The following MTHFD2L variants were observed in gnomAD, a reference collection of about 807,000 sequenced individuals.
MTHFD2L encodes methylenetetrahydrofolate dehydrogenase (NADP+ dependent) 2 like, also known as bifunctional methylenetetrahydrofolate dehydrogenase/cyclohydrolase 2, mitochondrial.
In MTHFD2L, 29 loss-of-function variants were observed where a neutral mutation model predicts 34.9. The observed-to-expected ratio is 0.83, with a 90% confidence interval of 0.62 to 1.13. MTHFD2L has a LOEUF of 1.13. Among genes scored for constraint, MTHFD2L ranks in the 50% most tolerant of loss-of-function variants. MTHFD2L has a pLI of 0.00. For synonymous variants in MTHFD2L, 167 were observed against 155.7 expected, an observed-to-expected ratio of 1.07 and a Z score of -0.54; for missense variants, 481 against 446.5, an observed-to-expected ratio of 1.08 and a Z score of -0.70.
At chr4:74,271,423 A>G (rs1188225940) in intron 6 of MTHFD2L, among the ~76,000 whole-genome samples, 1 of 152,244 alleles carries the variant, frequency 6.6e-6, no homozygotes, top group Non-Finnish European at 1.5e-5. Flanking sequence ...TTTATTAAAT[A>G]GGGAATCCTT....
At chr4:74,157,041 A>C (rs1489550520), upstream of MTHFD2L, 1 of 152,060 alleles carries the variant, frequency 6.6e-6, no homozygotes, top group East Asian at 1.9e-4. Context: ...CAGAAGTTTA[A>C]ATTGTTTTTT....
chr4:74,247,606 G>T (rs1039774769), intron 6 of MTHFD2L, among the ~76,000 whole-genome samples: 2 of 152,152 alleles, frequency 1.3e-5, no homozygotes, highest in Non-Finnish European at 2.9e-5. Context: ...GTATGATATT[G>T]GCTGTGGGTT....
intron 5 of MTHFD2L, among the ~76,000 whole-genome samples, chr4:74,214,958 G>C (rs572212782): frequency 9.9e-5 from 15 of 151,600 alleles, no homozygotes; most frequent in Non-Finnish European, 2.2e-4. Context: ...TGTTGGCTCC[G>C]CCTCCTTCAA....
chr4:74,241,497 G>C, intron 6 of MTHFD2L: 1 of 316,330 alleles, frequency 3.2e-6, no homozygotes, highest in Non-Finnish European at 6.5e-6. Flanking sequence ...GGGCCCAAGT[G>C]ATCCTCCCAC....
At chr4:74,198,217 T>G (rs1243413610) in intron 3 of MTHFD2L, among the ~76,000 whole-genome samples, 1 of 152,214 alleles carries the variant, frequency 6.6e-6, no homozygotes, top group Non-Finnish European at 1.5e-5. Context: ...TTACATTTCT[T>G]CTCAAGTATT....
rs56375745 is a variant in MTHFD2L at position 74,290,505 on chromosome 4, A to T, written c.931+8955A>T. Among the ~76,000 whole-genome samples, 1,390 of 152,216 alleles carry T rather than the reference A, an allele frequency of 9.1e-3. 25 individuals are homozygous for T. The highest frequency in any genetic ancestry group is 0.032 in the African/African-American group (1,326 of 41,532). The stretch of plus-strand genomic sequence containing the variant: ...AAGTAAATCATTTCACCACTCTGAG[A>T]CTCAATTATATCATCTGAAAGATTG... On this transcript the variant is annotated intron_variant, in intron 7 of 7. Transcript: ENST00000325278.
At chr4:74,267,326 T>G in intron 6 of MTHFD2L, 15 of 717,306 alleles carry the variant, frequency 2.1e-5, no homozygotes, top group Non-Finnish European at 2.6e-5. Context: ...TCTCTTTCTC[T>G]CTTTCTTTCT....
intron 3 of MTHFD2L, among the ~76,000 whole-genome samples, chr4:74,187,519 A>G (rs1012467392): frequency 2.6e-5 from 4 of 152,236 alleles, no homozygotes; most frequent in African/African-American, 7.2e-5. Flanking sequence ...GATGTTCAAC[A>G]TCATTAGTCA....
intron 5 of MTHFD2L, among the ~76,000 whole-genome samples, chr4:74,211,122 C>T (rs933854761): frequency 4.6e-5 from 7 of 152,180 alleles, no homozygotes; most frequent in Non-Finnish European, 1.0e-4. Flanking sequence ...ATCATGTCAT[C>T]TGCAAACAGA....
chr4:74,121,205 C>A (rs1026618694), upstream of MTHFD2L, among the ~76,000 whole-genome samples: 1 of 152,080 alleles, frequency 6.6e-6, no homozygotes, highest in Non-Finnish European at 1.5e-5. Flanking sequence ...AATCTGTGAC[C>A]CATTTGTGAA....
At chr4:74,181,414 A>C (rs75169327) in intron 3 of MTHFD2L, among the ~76,000 whole-genome samples, 1,635 of 152,268 alleles carry the variant, frequency 0.011, 26 homozygotes, top group African/African-American at 0.038. Flanking sequence ...AGTAGATGCT[A>C]TTTCTATCTG....
At chr4:74,228,769 A>G (rs900836351) in intron 6 of MTHFD2L, among the ~76,000 whole-genome samples, 1 of 152,248 alleles carries the variant, frequency 6.6e-6, no homozygotes, top group Non-Finnish European at 1.5e-5. Flanking sequence ...GAACAGAAGG[A>G]CAAGGAAGAC....
At position 74,302,647 on chromosome 4, in the gene MTHFD2L, A is replaced by G. The variant is rs1371733563; in HGVS notation, c.*838A>G. ...AGTAAACAGAAAAAACTAAAGTTGT[A>G]TTTTCCCACAAATATAGTATGAATG... is the stretch of plus-strand genomic sequence containing the variant. On this transcript the variant is annotated 3_prime_UTR_variant, in exon 8 of 8. Coordinates refer to ENST00000325278, the MANE Select transcript of MTHFD2L (RefSeq NM_001144978.3). 6.6e-6 allele frequency: 1 copy of G among 152,146 alleles called. No individual in the cohort carries two copies. Among genetic ancestry groups the G allele is most frequent in the Non-Finnish European group, 1.5e-5 (1 of 67,994 alleles). 9.4% of individuals were successfully genotyped at this position (152,146 alleles called of 1,614,324 possible).
intron 1 of MTHFD2L, among the ~76,000 whole-genome samples, chr4:74,149,904 T>C (rs531896907): frequency 9.2e-5 from 14 of 152,306 alleles, no homozygotes; most frequent in Admixed American, 2.6e-4. Context: ...GTTTGTAACT[T>C]TGAGATATGG....
At chr4:74,161,968 A>G (rs1447524939) in intron 1 of MTHFD2L, 1 of 152,234 alleles carries the variant, frequency 6.6e-6, no homozygotes, top group Non-Finnish European at 1.5e-5. Context: ...AGTATGCTAA[A>G]TTAAAGAAAT....
At chr4:74,221,537 A>T (rs1365937031) in intron 5 of MTHFD2L, among the ~76,000 whole-genome samples, 1 of 151,380 alleles carries the variant, frequency 6.6e-6, no homozygotes, top group Non-Finnish European at 1.5e-5. Flanking sequence ...TTAGTGCTGA[A>T]TTTTTGTTTG....
At chr4:74,272,802 G>A (rs139343285) in intron 6 of MTHFD2L, among the ~76,000 whole-genome samples, 28 of 152,280 alleles carry the variant, frequency 1.8e-4, no homozygotes, top group Non-Finnish European at 3.7e-4. Flanking sequence ...ACAAGAAAAT[G>A]AGCAGAAAGT....
At chr4:74,271,353 T>G (rs905916499) in intron 6 of MTHFD2L, among the ~76,000 whole-genome samples, 5 of 152,150 alleles carry the variant, frequency 3.3e-5, no homozygotes, top group African/African-American at 4.8e-5. Flanking sequence ...TTGTATAAGG[T>G]GTAAGGAAGG....
chr4:74,119,025 G>T (rs1030741932), upstream of MTHFD2L, among the ~76,000 whole-genome samples: 1 of 152,192 alleles, frequency 6.6e-6, no homozygotes, highest in African/African-American at 2.4e-5. Context: ...AGAGAGGTTT[G>T]ACTGCCCAGA....
Sources: gnomAD v4.1 joint callset for allele counts (sites outside exome capture counted in the v4.1 genomes callset) on GRCh38, gnomAD v4.1.1 for gene constraint, MANE v1.5 for transcripts, NCBI Gene and HGNC (gene_info 2026-07-23, HGNC 2026-07-21) for gene names.